NKAIN2: variants seen among roughly 807,000 people sequenced by gnomAD.
NKAIN2 encodes the protein sodium/potassium-transporting ATPase subunit beta-1-interacting protein 2.
In NKAIN2, 14 loss-of-function variants were observed where a neutral mutation model predicts 32.6. The observed-to-expected ratio is 0.43, with a 90% CI of 0.28 to 0.67. NKAIN2 has a LOEUF of 0.67. Among genes scored for constraint, NKAIN2 ranks in the 30% least tolerant of loss-of-function variants. The pLI, the probability that NKAIN2 is intolerant of heterozygous loss-of-function variation, is 0.17. For synonymous variants in NKAIN2, 80 were observed against 87.2 expected (o/e 0.92, Z 0.46); for missense variants, 198 against 258.3 (o/e 0.77, Z 1.60).
At chr6:124,145,088 C>T (rs1483418338) in intron 1 of NKAIN2, among the ~76,000 whole-genome samples, 1 of 152,148 alleles carries the variant, frequency 6.6e-6, no homozygotes, top group African/African-American at 2.4e-5. Flanking sequence ...TATCACTACA[C>T]ATATATCACA....
chr6:124,498,029 C>G (rs1778133521), intron 3 of NKAIN2, among the ~76,000 whole-genome samples: 1 of 151,990 alleles, frequency 6.6e-6, no homozygotes, highest in Non-Finnish European at 1.5e-5. Context: ...ACCAAATGCC[C>G]AAATCAACCA....
chr6:123,820,973 A>G (rs1469190750), intron 1 of NKAIN2, among the ~76,000 whole-genome samples: 4 of 152,184 alleles, frequency 2.6e-5, no homozygotes, highest in African/African-American at 7.2e-5. Context: ...ATCACAAACC[A>G]TAGCGGGGAA....
intron 1 of NKAIN2, among the ~76,000 whole-genome samples, chr6:124,272,187 A>T (rs1430845319): frequency 6.6e-6 from 1 of 152,220 alleles, no homozygotes; most frequent in African/African-American, 2.4e-5. Flanking sequence ...CAATGGGGAA[A>T]ATGTCTCCAG....
chr6:123,871,732 G>A (rs1407890256), intron 1 of NKAIN2, among the ~76,000 whole-genome samples: 2 of 152,106 alleles, frequency 1.3e-5, no homozygotes, highest in African/African-American at 4.8e-5. Context: ...TCTTTTCTGT[G>A]CTTTAGCTTC....
At chr6:123,873,821 G>C (rs1218991634) in intron 1 of NKAIN2, among the ~76,000 whole-genome samples, 7 of 152,138 alleles carry the variant, frequency 4.6e-5, no homozygotes, top group Admixed American at 4.6e-4. Context: ...TTGATTTGAA[G>C]CAGCATTGCT....
intron 1 of NKAIN2, among the ~76,000 whole-genome samples, chr6:123,995,727 G>A (rs1291511452): frequency 1.3e-5 from 2 of 152,096 alleles, no homozygotes; most frequent in Non-Finnish European, 2.9e-5. Context: ...ATTTCAGAAA[G>A]ATTTTGTTTG....
chr6:124,342,213 G>A (rs1798148066), intron 2 of NKAIN2, among the ~76,000 whole-genome samples: 1 of 151,480 alleles, frequency 6.6e-6, no homozygotes, highest in Non-Finnish European at 1.5e-5. Flanking sequence ...CATCTTGGCT[G>A]ACATGGTGAA....
At chr6:124,259,558 A>G (rs1794124596) in intron 1 of NKAIN2, among the ~76,000 whole-genome samples, 2 of 152,204 alleles carry the variant, frequency 1.3e-5, no homozygotes, top group African/African-American at 2.4e-5. Context: ...TTTGGTATAA[A>G]TAGGTTAGTA....
intron 1 of NKAIN2, among the ~76,000 whole-genome samples, chr6:123,855,905 G>T (rs1409476891): frequency 6.6e-6 from 1 of 152,140 alleles, no homozygotes; most frequent in Middle Eastern, 3.2e-3. Flanking sequence ...GTACCCTGCA[G>T]GGTGTAAATG....
intron 1 of NKAIN2, among the ~76,000 whole-genome samples, chr6:124,153,892 C>G (rs1000410234): frequency 1.3e-5 from 2 of 149,216 alleles, no homozygotes; most frequent in Non-Finnish European, 3.0e-5. Context: ...TACTTGTTTT[C>G]TTTCCAACTT....
intron 3 of NKAIN2, among the ~76,000 whole-genome samples, chr6:124,456,617 A>G (rs759925195): frequency 7.2e-5 from 11 of 151,782 alleles, no homozygotes; most frequent in Non-Finnish European, 1.3e-4. Flanking sequence ...CTCCTTAAAT[A>G]TTTTTTTGCC....
At chr6:124,304,815 G>A (rs1313591810) in intron 2 of NKAIN2, among the ~76,000 whole-genome samples, 3 of 152,128 alleles carry the variant, frequency 2.0e-5, no homozygotes, top group Admixed American at 2.0e-4. Context: ...TCAGGAGGCT[G>A]AGGCAGGGGA....
At chr6:124,699,764 C>A (rs1774681935) in intron 4 of NKAIN2, among the ~76,000 whole-genome samples, 1 of 152,094 alleles carries the variant, frequency 6.6e-6, no homozygotes, top group Admixed American at 6.6e-5. Flanking sequence ...GAGTCGTGAG[C>A]CAATTAAACC....
chr6:124,282,948 C>T (rs749252586), intron 1 of NKAIN2, 57 bp from the exon 2 acceptor site: 21 of 1,511,704 alleles, frequency 1.4e-5, no homozygotes, highest in Admixed American at 3.5e-5. Context: ...CTTTTTTCCT[C>T]TCACCACTGT....
intron 1 of NKAIN2, among the ~76,000 whole-genome samples, chr6:123,880,319 T>C (rs961402250): frequency 9.9e-5 from 15 of 152,208 alleles, no homozygotes; most frequent in African/African-American, 3.4e-4. Context: ...CTGCTGCTGA[T>C]AGAAGAAAGT....
At position 124,823,924 on chromosome 6, in the gene NKAIN2, G is replaced by C. The variant is rs1645037165; in HGVS notation, c.*695G>C. ...TCATGTCAAGGAACAAGACTGAATA[G>C]CTCAGCAGCTCCAGTGTGTCTGTAT... On this transcript the variant is annotated 3_prime_UTR_variant, in exon 7 of 7. Transcript: ENST00000368417. 1 of 152,330 alleles carries C rather than the reference G, an allele frequency of 6.6e-6. No homozygotes were observed. The highest frequency in any genetic ancestry group is 2.4e-5 in the African/African-American group (1 of 41,572). 9.4% of individuals were successfully genotyped at this position (152,330 alleles called of 1,614,324 possible). A position where few individuals can be genotyped will look rare whatever the true frequency, so the allele number is the denominator to read the frequency against.
intron 1 of NKAIN2, among the ~76,000 whole-genome samples, chr6:124,089,261 A>T (rs2114924229): frequency 6.6e-6 from 1 of 151,874 alleles, no homozygotes; most frequent in Admixed American, 6.6e-5. Flanking sequence ...AACAAGCCAT[A>T]ATTCTACCAG....
chr6:124,651,921 TA>T (rs979161395), intron 3 of NKAIN2, among the ~76,000 whole-genome samples: 13 of 152,176 alleles, frequency 8.5e-5, no homozygotes, highest in African/African-American at 3.1e-4. Context: ...ATTTCTTTCC[TA>T]AAAAAGGTCT....
At chr6:124,092,478 A>G (rs1784474034) in intron 1 of NKAIN2, among the ~76,000 whole-genome samples, 1 of 152,100 alleles carries the variant, frequency 6.6e-6, no homozygotes. Context: ...AAGGATGTAA[A>G]GGAAATATTA....
Sources: allele counts gnomAD v4.1 joint callset (sites outside exome capture counted in the v4.1 genomes callset), GRCh38; gene constraint gnomAD v4.1.1; transcripts MANE v1.5; gene names NCBI Gene and HGNC (gene_info 2026-07-23, HGNC 2026-07-21).